The following MCTP1 variants were observed in gnomAD, a reference collection of about 807,000 sequenced individuals.
MCTP1 encodes multiple C2 and transmembrane domain-containing protein 1.
Under a neutral mutation model 120.6 loss-of-function variants are expected in MCTP1, and 69 were observed. That is an observed-to-expected ratio of 0.57 (90% CI 0.47 to 0.70). The LOEUF (loss-of-function observed/expected upper bound fraction) is 0.70, where lower values mean the gene tolerates loss of function less well. Among genes scored for constraint, MCTP1 ranks in the 30% least tolerant of loss-of-function variants. The pLI is 0.00. For synonymous variants in MCTP1, 529 were observed against 493.1 expected, an observed-to-expected ratio of 1.07 and a Z score of -0.96; for missense variants, 1,203 against 1,248.8, an observed-to-expected ratio of 0.96 and a Z score of 0.55.
intron 1 of MCTP1, among the ~76,000 whole-genome samples, chr5:95,203,937 T>A (rs1181827373): frequency 1.3e-5 from 2 of 152,226 alleles, no homozygotes; most frequent in African/African-American, 4.8e-5. Flanking sequence ...AACATTTTTA[T>A]TAGATTTTTG....
intron 19 of MCTP1, among the ~76,000 whole-genome samples, chr5:94,715,334 C>CACTT (rs2152562118): frequency 8.6e-6 from 1 of 115,798 alleles, no homozygotes; most frequent in East Asian, 2.9e-4. Context: ...ATGCTGGATG[C>CACTT]ACTTGAGATT....
intron 17 of MCTP1, chr5:94,826,033 TTTC>T: frequency 3.1e-6 from 1 of 324,270 alleles, no homozygotes; most frequent in Non-Finnish European, 5.9e-6. Flanking sequence ...GGGTGCTCTG[TTTC>T]TTCATTCTGG....
chr5:94,743,315 TA>T lies in MCTP1; in HGVS notation c.2611-28430del, dbSNP rs34991464. Among the ~76,000 whole-genome samples, 315 of 127,420 alleles carry T rather than the reference TA, an allele frequency of 2.5e-3. 2 individuals carry two copies. Among genetic ancestry groups the T allele is most frequent in the Middle Eastern group, 0.019 (5 of 268 alleles). 83.6% of individuals were successfully genotyped at this position (127,420 alleles called of 152,430 possible). A position where few individuals can be genotyped will look rare whatever the true frequency, so the allele number is the denominator to read the frequency against. On this transcript the variant is annotated intron_variant, in intron 19 of 22. Transcript: ENST00000515393. ...TCTGCAGGCTTATATTTCAATTCAA[TA>T]AAAAAAAAAAAAGAGAGTCTATGAT...
At chr5:94,967,327 C>T (rs761582319) in intron 2 of MCTP1, among the ~76,000 whole-genome samples, 3 of 152,158 alleles carry the variant, frequency 2.0e-5, no homozygotes, top group Non-Finnish European at 4.4e-5. Context: ...TTATTGAACA[C>T]TTATTATATC....
Position 95,284,658 on chromosome 5 carries a change from G to A in MCTP1, c.-83C>T. On this transcript the variant is annotated 5_prime_UTR_variant, in exon 1 of 23. Coordinates refer to ENST00000515393, the MANE Select transcript of MCTP1 (RefSeq NM_024717.7). The surrounding 1 kb of genome is among the most constrained non-coding windows in gnomAD (Gnocchi z 5.2). ...TCCCTCTTCGGCTGCACCTCCTCCC[G>A]GGTCCCCGCGGCGCTGGCGGTGGCG... 3.3e-6 allele frequency: 4 copies of A among 1,194,890 alleles called. No individual in the cohort carries two copies. Among genetic ancestry groups the A allele is most frequent in the Non-Finnish European group, 4.4e-6 (4 of 913,198 alleles). The allele number at this position is 1,194,890 out of a possible 1,614,324, so 74.0% of individuals were successfully genotyped here.
At chr5:95,210,732 T>G (rs552803884) in intron 1 of MCTP1, among the ~76,000 whole-genome samples, 83 of 152,244 alleles carry the variant, frequency 5.5e-4, no homozygotes, top group Admixed American at 1.0e-3. Flanking sequence ...GTTAGCTGGT[T>G]ATTTTGCTCG....
At chr5:95,236,700 T>C (rs1755581053) in intron 1 of MCTP1, among the ~76,000 whole-genome samples, 2 of 152,084 alleles carry the variant, frequency 1.3e-5, no homozygotes, top group Non-Finnish European at 2.9e-5. Context: ...ATGGGCTGAG[T>C]TGTCTACTAT....
At chr5:94,735,669 G>A (rs1309535271) in intron 19 of MCTP1, among the ~76,000 whole-genome samples, 1 of 152,174 alleles carries the variant, frequency 6.6e-6, no homozygotes, top group East Asian at 1.9e-4. Flanking sequence ...TATATAAATA[G>A]CCAAACCAGT....
chr5:94,885,626 A>G (rs1801144932), intron 12 of MCTP1, among the ~76,000 whole-genome samples: 1 of 117,186 alleles, frequency 8.5e-6, no homozygotes, highest in South Asian at 2.7e-4. Flanking sequence ...GCCTTTCCTC[A>G]CAACGTGTAG....
chr5:95,005,374 G>C (rs988701786), intron 2 of MCTP1, among the ~76,000 whole-genome samples: 1 of 152,140 alleles, frequency 6.6e-6, no homozygotes, highest in Non-Finnish European at 1.5e-5. Context: ...TTGGGGTACT[G>C]TTGGGAAGAC....
intron 1 of MCTP1, among the ~76,000 whole-genome samples, chr5:95,129,492 C>T (rs1758872632): frequency 6.6e-6 from 1 of 152,192 alleles, no homozygotes; most frequent in Admixed American, 6.5e-5. Context: ...CTTGACAGGG[C>T]TAACGGATGC....
chr5:95,087,640 T>C (rs948297217), intron 1 of MCTP1, among the ~76,000 whole-genome samples: 4 of 152,236 alleles, frequency 2.6e-5, no homozygotes, highest in Non-Finnish European at 4.4e-5. Context: ...AAGTGTCCCA[T>C]GGACAGTCCG....
At chr5:94,886,791 G>C (rs1400349904) in intron 12 of MCTP1, among the ~76,000 whole-genome samples, 1 of 152,078 alleles carries the variant, frequency 6.6e-6, no homozygotes, top group Non-Finnish European at 1.5e-5. Context: ...CTTTGAACAA[G>C]TAAAAGAGAA....
intron 1 of MCTP1, among the ~76,000 whole-genome samples, chr5:95,089,258 CATTT>C (rs954608267): frequency 9.9e-5 from 15 of 152,072 alleles, no homozygotes; most frequent in African/African-American, 3.4e-4. Flanking sequence ...TTTATTTCTG[CATTT>C]ATAAATCCTA....
chr5:95,220,640 C>T (rs941078044), intron 1 of MCTP1, among the ~76,000 whole-genome samples: 14 of 152,220 alleles, frequency 9.2e-5, no homozygotes, highest in African/African-American at 3.4e-4. Context: ...CCAGAAGCTA[C>T]TGCAACAACT....
At chr5:94,932,666 A>G (rs1815093368) in intron 5 of MCTP1, among the ~76,000 whole-genome samples, 1 of 152,040 alleles carries the variant, frequency 6.6e-6, no homozygotes, top group Non-Finnish European at 1.5e-5. Flanking sequence ...TAAAAGCCCA[A>G]CGAATTTTTT....
At chr5:95,012,303 T>C (rs1017630942) in intron 2 of MCTP1, among the ~76,000 whole-genome samples, 3 of 152,172 alleles carry the variant, frequency 2.0e-5, no homozygotes, top group Admixed American at 1.3e-4. Flanking sequence ...GTCTATAATA[T>C]ATTTACTAAT....
At chr5:95,209,350 T>A (rs978794129) in intron 1 of MCTP1, among the ~76,000 whole-genome samples, 2 of 152,196 alleles carry the variant, frequency 1.3e-5, no homozygotes, top group Non-Finnish European at 2.9e-5. Flanking sequence ...CTGAACTATT[T>A]GTGTTTTCCT....
At chr5:95,198,273 A>G (rs949355278) in intron 1 of MCTP1, among the ~76,000 whole-genome samples, 2 of 152,146 alleles carry the variant, frequency 1.3e-5, no homozygotes, top group Non-Finnish European at 1.5e-5. Flanking sequence ...ATGAATTTCC[A>G]TATTACTTAT....
Sources: allele counts gnomAD v4.1 joint callset (sites outside exome capture counted in the v4.1 genomes callset), GRCh38; gene constraint gnomAD v4.1.1; non-coding constraint Gnocchi (gnomAD v3.1); transcripts MANE v1.5; gene names NCBI Gene and HGNC (gene_info 2026-07-23, HGNC 2026-07-21).